KLHDC4: variants seen among roughly 807,000 people sequenced by gnomAD.
KLHDC4 encodes kelch domain containing 4.
KLHDC4 carries 90 observed loss-of-function variants against 62.4 expected under a neutral mutation model. The observed-to-expected ratio is 1.44, with a 90% confidence interval of 1.22 to 1.72. The LOEUF is 1.72. Ranked by LOEUF, KLHDC4 falls within the 40% of genes most tolerant of loss-of-function variation. The probability of loss-of-function intolerance (pLI) is 0.00; values close to 1 mark genes in which losing one functional copy is unlikely to be tolerated. For synonymous variants in KLHDC4, 386 were observed against 284.4 expected (o/e 1.36, Z -3.59); for missense variants, 1,025 against 699.7 (o/e 1.47, Z -5.25).
chr16:87,750,043 G>A (rs913224553), intron 4 of KLHDC4, among the ~76,000 whole-genome samples: 1 of 152,148 alleles, frequency 6.6e-6, no homozygotes, highest in Non-Finnish European at 1.5e-5. Context: ...TCCCTGACGG[G>A]TCATCAGACA....
chr16:87,752,174 A>G (rs1272047380), intron 4 of KLHDC4, among the ~76,000 whole-genome samples: 6 of 147,786 alleles, frequency 4.1e-5, no homozygotes, highest in Non-Finnish European at 9.0e-5. Flanking sequence ...AGGGAAGCAG[A>G]GGCAGGAGGA....
chr16:87,729,372 A>C (rs1236809972), intron 6 of KLHDC4: 4 of 152,068 alleles, frequency 2.6e-5, no homozygotes, highest in Non-Finnish European at 5.9e-5. Context: ...TTCCTGAGGG[A>C]CCAGTAGAGA....
chr16:87,717,732 T>C (rs569928697), intron 7 of KLHDC4, among the ~76,000 whole-genome samples: 51 of 152,332 alleles, frequency 3.3e-4, no homozygotes, highest in African/African-American at 1.1e-3. Flanking sequence ...AGAGACTTCA[T>C]CTGCTGGGGG....
At chr16:87,727,951 T>G (rs1323701859) in intron 6 of KLHDC4, among the ~76,000 whole-genome samples, 1 of 152,102 alleles carries the variant, frequency 6.6e-6, no homozygotes. Flanking sequence ...TTTGGGAGTC[T>G]CAGGCAGGTA....
intron 7 of KLHDC4, among the ~76,000 whole-genome samples, 185 bp from the exon 8 acceptor site, chr16:87,714,758 C>T (rs1474081926): frequency 6.6e-6 from 1 of 152,190 alleles, no homozygotes; most frequent in Non-Finnish European, 1.5e-5. Context: ...CTTTATCCCC[C>T]AAATGGGTCC....
intron 7 of KLHDC4, among the ~76,000 whole-genome samples, chr16:87,722,914 G>A (rs1369583750): frequency 6.6e-6 from 1 of 152,240 alleles, no homozygotes; most frequent in Non-Finnish European, 1.5e-5. Flanking sequence ...GAGGGTGGGT[G>A]GCGGGTGGCA....
intron 7 of KLHDC4, among the ~76,000 whole-genome samples, chr16:87,721,856 G>T (rs1211957897): frequency 6.6e-6 from 1 of 152,170 alleles, no homozygotes; most frequent in Non-Finnish European, 1.5e-5. Flanking sequence ...AGGCAGGAAG[G>T]AGGGCCCCGT....
chr16:87,730,145 C>G (rs565287769), intron 6 of KLHDC4, among the ~76,000 whole-genome samples: 2 of 152,058 alleles, frequency 1.3e-5, no homozygotes, highest in African/African-American at 4.8e-5. Context: ...GTAGAGACAG[C>G]GTTTCACTAT....
chr16:87,702,772 C>A (rs146326550), upstream of KLHDC4, among the ~76,000 whole-genome samples: 1 of 152,364 alleles, frequency 6.6e-6, no homozygotes, highest in Non-Finnish European at 1.5e-5. Flanking sequence ...ACCTGTGTTT[C>A]CTTCCAAGTC....
downstream of KLHDC4, among the ~76,000 whole-genome samples, chr16:87,705,944 C>A (rs2034620791): frequency 6.6e-6 from 1 of 152,224 alleles, no homozygotes; most frequent in Admixed American, 6.5e-5. Flanking sequence ...AAAGCCGGCG[C>A]AACGCAACAC....
At chr16:87,718,833 C>T (rs1022514125) in intron 7 of KLHDC4, among the ~76,000 whole-genome samples, 9 of 151,326 alleles carry the variant, frequency 5.9e-5, no homozygotes, top group East Asian at 2.0e-4. Context: ...GCCTCTGCCC[C>T]GCCGCCCCGT....
chr16:87,741,819 C>T (rs1003863759), intron 5 of KLHDC4, among the ~76,000 whole-genome samples: 7 of 152,192 alleles, frequency 4.6e-5, no homozygotes, highest in African/African-American at 1.2e-4. Flanking sequence ...ATTTAATTCC[C>T]GCCAACTTCA....
chr16:87,760,764 G>A (rs182363494), intron 2 of KLHDC4, among the ~76,000 whole-genome samples: 4 of 152,236 alleles, frequency 2.6e-5, no homozygotes, highest in African/African-American at 7.2e-5. Flanking sequence ...CAGGCACAGC[G>A]ACTCACGCCT....
At chr16:87,714,331 G>GCCTGTCCCA (rs1273828890) in intron 8 of KLHDC4, 167 bp downstream of exon 8, 1 of 154,822 alleles carries the variant, frequency 6.5e-6, no homozygotes, top group Admixed American at 6.5e-5. Flanking sequence ...GGGCTATGGA[G>GCCTGTCCCA]CCTGTCCCAC....
chr16:87,754,449 G>C (rs902746874), intron 4 of KLHDC4, among the ~76,000 whole-genome samples: 3 of 152,254 alleles, frequency 2.0e-5, no homozygotes, highest in African/African-American at 4.8e-5. Context: ...AGCTCAGGCA[G>C]GCAGGTCCTC....
Position 87,726,788 on chromosome 16 carries a change from C to G in KLHDC4, c.736G>C (p.Val246Leu), listed in dbSNP as rs2039437567. 1 of 1,597,640 alleles carries G rather than the reference C, an allele frequency of 6.3e-7. No individual in the cohort carries two copies. The highest frequency in any genetic ancestry group is 2.3e-5 in the East Asian group (1 of 43,432). ...MSVTPQGGIV[V>L]YGGYSKQRVK... ...ACCTGTTTCGAGTAGCCCCCATAGA[C>G]GACGATGCCGCCCTGGGGAGTGACG... Residue 246 changes from valine to leucine, a missense_variant, in exon 7 of 12, where the codon GTC (valine) becomes CTC (leucine). By Grantham distance (32) the Val-to-Leu change is conservative. Coordinates refer to ENST00000270583, the MANE Select transcript of KLHDC4 (RefSeq NM_017566.4).
At chr16:87,749,066 A>C (rs946365508) in intron 4 of KLHDC4, among the ~76,000 whole-genome samples, 1 of 151,272 alleles carries the variant, frequency 6.6e-6, no homozygotes, top group Non-Finnish European at 1.5e-5. Flanking sequence ...ATCCATTTAC[A>C]TGTAGACAAT....
At chr16:87,721,522 CGAGACAAGCT>C (rs2038342926) in intron 7 of KLHDC4, among the ~76,000 whole-genome samples, 1 of 151,526 alleles carries the variant, frequency 6.6e-6, no homozygotes, top group African/African-American at 2.4e-5. Context: ...TTCCCCAGCA[CGAGACAAGCT>C]GAGACAACCT....
chr16:87,750,657 G>A (rs1169504367), intron 4 of KLHDC4, among the ~76,000 whole-genome samples: 1 of 152,220 alleles, frequency 6.6e-6, no homozygotes, highest in Non-Finnish European at 1.5e-5. Context: ...GGCAGACAGT[G>A]GTCCTCAGCA....
Sources: gnomAD v4.1 joint callset for allele counts (sites outside exome capture counted in the v4.1 genomes callset) on GRCh38, gnomAD v4.1.1 for gene constraint, MANE v1.5 for transcripts, NCBI Gene and HGNC (gene_info 2026-07-23, HGNC 2026-07-21) for gene names.